GPC6: variants seen among roughly 807,000 people sequenced by gnomAD.
GPC6 encodes the protein glypican 6.
GPC6 carries 14 observed loss-of-function variants against 55.2 expected under a neutral mutation model. The observed-to-expected ratio is 0.25, with a 90% CI of 0.17 to 0.40. The LOEUF is 0.40. GPC6 is among the 10% of genes least tolerant of loss of function. The probability of loss-of-function intolerance (pLI) is 1.00; values close to 1 mark genes in which losing one functional copy is unlikely to be tolerated. For synonymous variants in GPC6, 278 were observed against 259.6 expected, an observed-to-expected ratio of 1.07 and a Z score of -0.68; for missense variants, 641 against 708.5, an observed-to-expected ratio of 0.90 and a Z score of 1.08.
At chr13:94,169,405 CA>C (rs1555303436) in intron 4 of GPC6, among the ~76,000 whole-genome samples, 1 of 152,104 alleles carries the variant, frequency 6.6e-6, no homozygotes, top group Non-Finnish European at 1.5e-5. Context: ...GTACAGTAAT[CA>C]GGGGTGGTAT....
intron 4 of GPC6, among the ~76,000 whole-genome samples, chr13:94,204,486 G>A (rs1447007865): frequency 6.6e-6 from 1 of 152,136 alleles, no homozygotes; most frequent in African/African-American, 2.4e-5. Context: ...AATCCATTTT[G>A]AAGTGGGAGT....
chr13:94,041,247 T>A (rs761008386), intron 4 of GPC6, among the ~76,000 whole-genome samples: 13 of 151,854 alleles, frequency 8.6e-5, no homozygotes, highest in Non-Finnish European at 1.6e-4. Flanking sequence ...GTCAAATTAT[T>A]CCATCTGAAA....
intron 1 of GPC6, among the ~76,000 whole-genome samples, chr13:93,263,079 T>C (rs1877205639): frequency 6.6e-6 from 1 of 152,090 alleles, no homozygotes; most frequent in Non-Finnish European, 1.5e-5. Flanking sequence ...ATGCTACTAA[T>C]TTTTACAACA....
intron 7 of GPC6, among the ~76,000 whole-genome samples, chr13:94,394,395 C>G (rs866879533): frequency 6.6e-6 from 1 of 152,218 alleles, no homozygotes; most frequent in Non-Finnish European, 1.5e-5. Context: ...AACATGGGCT[C>G]TCTGTGCCAA....
intron 3 of GPC6, among the ~76,000 whole-genome samples, chr13:93,853,006 T>G (rs1023812425): frequency 6.6e-6 from 1 of 151,644 alleles, no homozygotes; most frequent in Non-Finnish European, 1.5e-5. Flanking sequence ...TAATTAAAAA[T>G]CCAGTTAAAA....
At chr13:94,266,114 C>G (rs1396651780) in intron 4 of GPC6, among the ~76,000 whole-genome samples, 1 of 151,144 alleles carries the variant, frequency 6.6e-6, no homozygotes, top group Non-Finnish European at 1.5e-5. Flanking sequence ...TCCCTGTCTC[C>G]TTGTTTTCTC....
intron 2 of GPC6, among the ~76,000 whole-genome samples, chr13:93,749,971 C>A (rs1418390643): frequency 1.3e-5 from 2 of 151,912 alleles, no homozygotes. Context: ...ATTTTATTTT[C>A]TAGGGCTCTT....
chr13:94,345,607 G>C (rs1007573224), intron 6 of GPC6, among the ~76,000 whole-genome samples: 4 of 152,100 alleles, frequency 2.6e-5, no homozygotes, highest in African/African-American at 9.7e-5. Flanking sequence ...AAAACACGTG[G>C]GTCTAAGTTT....
chr13:94,113,639 ATGT>A (rs1886325874), intron 4 of GPC6, among the ~76,000 whole-genome samples: 1 of 152,090 alleles, frequency 6.6e-6, no homozygotes, highest in Non-Finnish European at 1.5e-5. Flanking sequence ...GAGCCATAGG[ATGT>A]TAGGGAAAAT....
At chr13:93,342,536 C>T (rs1880295484) in intron 1 of GPC6, among the ~76,000 whole-genome samples, 1 of 152,158 alleles carries the variant, frequency 6.6e-6, no homozygotes, top group South Asian at 2.1e-4. Flanking sequence ...CCCATCAGGT[C>T]CCTCCCACGA....
chr13:93,969,644 T>C (rs1453483512), intron 3 of GPC6, among the ~76,000 whole-genome samples: 1 of 152,180 alleles, frequency 6.6e-6, no homozygotes, highest in African/African-American at 2.4e-5. Context: ...ATATAAAATA[T>C]ACTATCTTTA....
intron 2 of GPC6, among the ~76,000 whole-genome samples, chr13:93,713,227 T>C (rs549442695): frequency 7.8e-4 from 119 of 151,644 alleles, no homozygotes; most frequent in Non-Finnish European, 1.2e-3. Context: ...ACATAAGGAC[T>C]AAAAGTAAGT....
chr13:93,885,592 A>G (rs1205272653), intron 3 of GPC6, among the ~76,000 whole-genome samples: 1 of 152,100 alleles, frequency 6.6e-6, no homozygotes, highest in Non-Finnish European at 1.5e-5. Flanking sequence ...CTATCTTGCG[A>G]CAGATGACTG....
intron 1 of GPC6, among the ~76,000 whole-genome samples, chr13:93,326,482 C>A (rs1879659821): frequency 6.6e-6 from 1 of 152,066 alleles, no homozygotes; most frequent in Non-Finnish European, 1.5e-5. Context: ...GTACGCAGTT[C>A]AAGCTTTAGA....
chr13:94,126,810 A>G (rs759341620), intron 4 of GPC6, among the ~76,000 whole-genome samples: 2 of 152,194 alleles, frequency 1.3e-5, no homozygotes, highest in Admixed American at 6.5e-5. Context: ...TTGAGGTAAT[A>G]GTATTCACAG....
At chr13:93,710,684 A>G (rs1883022701) in intron 2 of GPC6, among the ~76,000 whole-genome samples, 1 of 146,530 alleles carries the variant, frequency 6.8e-6, no homozygotes, top group Non-Finnish European at 1.5e-5. Context: ...TTTGTCATTT[A>G]AAGTCCCCCC....
At chr13:94,309,592 C>T (rs1876130554) in intron 6 of GPC6, among the ~76,000 whole-genome samples, 1 of 151,868 alleles carries the variant, frequency 6.6e-6, no homozygotes, top group African/African-American at 2.4e-5. Context: ...AAGTTATATA[C>T]ACATAAGAAG....
At chr13:93,374,516 G>C (rs548496945) in intron 1 of GPC6, among the ~76,000 whole-genome samples, 6 of 152,260 alleles carry the variant, frequency 3.9e-5, no homozygotes, top group Non-Finnish European at 2.9e-5. Flanking sequence ...GTAATATTAA[G>C]TCATGGAAGG....
chr13:94,135,813 T>C (rs1232878285), intron 4 of GPC6, among the ~76,000 whole-genome samples: 2 of 152,188 alleles, frequency 1.3e-5, no homozygotes, highest in Non-Finnish European at 2.9e-5. Context: ...CGCAAGGTGG[T>C]TAAGCACTGA....
Sources: gnomAD v4.1 joint callset for allele counts (sites outside exome capture counted in the v4.1 genomes callset) on GRCh38, gnomAD v4.1.1 for gene constraint, MANE v1.5 for transcripts, NCBI Gene and HGNC (gene_info 2026-07-23, HGNC 2026-07-21) for gene names.